Variants in PTPRD observed in about 807,000 individuals in gnomAD.
The protein encoded by PTPRD is protein tyrosine phosphatase receptor type D, also known as receptor-type tyrosine-protein phosphatase delta.
PTPRD carries 34 observed loss-of-function variants against 214.5 expected under a neutral mutation model. The ratio of observed to expected loss-of-function variants is 0.16; its 90% CI spans 0.12 to 0.21. PTPRD has a LOEUF of 0.21. PTPRD is among the 10% of genes least tolerant of loss of function. The pLI is 1.00. For missense variants in PTPRD, 2,545 were observed against 2,398.7 expected, an observed-to-expected ratio of 1.06 and a Z score of -1.27; for synonymous variants, 1,128 against 845.7, an observed-to-expected ratio of 1.33 and a Z score of -5.79.
chr9:9,935,829 A>G (rs1251528018), intron 5 of PTPRD, among the ~76,000 whole-genome samples: 1 of 149,454 alleles, frequency 6.7e-6, no homozygotes, highest in African/African-American at 2.5e-5. Flanking sequence ...TTCAAACTAT[A>G]CTACAAGGCT....
At chr9:8,675,224 T>C (rs1314060434) in intron 12 of PTPRD, among the ~76,000 whole-genome samples, 2 of 152,134 alleles carry the variant, frequency 1.3e-5, no homozygotes, top group Non-Finnish European at 2.9e-5. Flanking sequence ...TATGTGTCTT[T>C]GAGGATGTTG....
At chr9:10,461,387 A>G (rs553350877) in intron 2 of PTPRD, among the ~76,000 whole-genome samples, 3 of 151,976 alleles carry the variant, frequency 2.0e-5, no homozygotes, top group Non-Finnish European at 4.4e-5. Flanking sequence ...GATATCTGCA[A>G]TCCTATGTTC....
At chr9:10,122,981 C>G (rs1156961643) in intron 3 of PTPRD, among the ~76,000 whole-genome samples, 3 of 152,248 alleles carry the variant, frequency 2.0e-5, no homozygotes, top group African/African-American at 4.8e-5. Context: ...TTGTTAACAA[C>G]TATGCTTGCC....
chr9:9,558,542 A>G lies in PTPRD; in HGVS notation c.-237+16190T>C, dbSNP rs1209940719. 2.0e-5 allele frequency among the ~76,000 whole-genome samples: 3 copies of G among 152,268 alleles called. No homozygotes were observed. The East Asian group carries it at 5.8e-4, about 29-fold the overall frequency. On this transcript the variant is annotated intron_variant, in intron 8 of 45. Transcript: ENST00000381196. ...GACAGGCTTGACCCATAAGCCTGAC[A>G]TACAACTGGGAATGCAGGTCCGATA...
At chr9:8,632,622 T>C (rs1305055869) in intron 14 of PTPRD, among the ~76,000 whole-genome samples, 1 of 151,888 alleles carries the variant, frequency 6.6e-6, no homozygotes, top group Non-Finnish European at 1.5e-5. Flanking sequence ...CAACACAGTC[T>C]TCATCATAGC....
intron 32 of PTPRD, among the ~76,000 whole-genome samples, chr9:8,461,798 GACAA>G (rs1564991513): frequency 6.6e-6 from 1 of 151,722 alleles, no homozygotes; most frequent in Non-Finnish European, 1.5e-5. Context: ...CCATCCTATA[GACAA>G]ACATTCTTTT....
chr9:10,098,654 G>C (rs1332845736), intron 3 of PTPRD, among the ~76,000 whole-genome samples: 1 of 151,658 alleles, frequency 6.6e-6, no homozygotes, highest in Non-Finnish European at 1.5e-5. Flanking sequence ...TGTTTTTGGA[G>C]AAAAACATTA....
chr9:8,849,538 G>A (rs562075501), intron 11 of PTPRD, among the ~76,000 whole-genome samples: 8 of 152,242 alleles, frequency 5.3e-5, no homozygotes, highest in African/African-American at 1.9e-4. Flanking sequence ...TAATTCTTTA[G>A]TTCAACTCAA....
At chr9:8,885,088 C>G (rs10815985) in intron 11 of PTPRD, among the ~76,000 whole-genome samples, 19,551 of 152,090 alleles carry the variant, frequency 0.13, 1,447 homozygotes, top group East Asian at 0.29. Context: ...AAAATAGAAA[C>G]AGACAAGCCT....
chr9:9,338,500 TTTTTATA>T (rs1207620778), intron 9 of PTPRD, among the ~76,000 whole-genome samples: 15 of 152,190 alleles, frequency 9.9e-5, no homozygotes, highest in Non-Finnish European at 1.5e-4. Flanking sequence ...AAATCTAATG[TTTTTATA>T]TTTTATAAGA....
At chr9:8,526,019 A>C (rs1218125389) in intron 17 of PTPRD, among the ~76,000 whole-genome samples, 2 of 152,132 alleles carry the variant, frequency 1.3e-5, no homozygotes, top group African/African-American at 4.8e-5. Context: ...GTCAGATTGT[A>C]GACGAGTGGG....
intron 3 of PTPRD, among the ~76,000 whole-genome samples, chr9:10,339,104 G>T (rs185022077): frequency 7.2e-5 from 11 of 151,790 alleles, no homozygotes; most frequent in East Asian, 5.8e-4. Context: ...GTGGATACAT[G>T]TAAGTCCTGG....
At chr9:8,429,232 A>G (rs1039109475) in intron 35 of PTPRD, among the ~76,000 whole-genome samples, 1 of 150,508 alleles carries the variant, frequency 6.6e-6, no homozygotes, top group Non-Finnish European at 1.5e-5. Flanking sequence ...TTAAGTGTTT[A>G]TATCAGGTAA....
chr9:9,350,986 T>A (rs1332812), intron 9 of PTPRD, among the ~76,000 whole-genome samples: 81,786 of 151,764 alleles, frequency 0.54, 24,128 homozygotes, highest in Middle Eastern at 0.7. Context: ...TGTTTCATTT[T>A]AGATTGCTAA....
chr9:10,066,822 C>G (rs904530262), intron 3 of PTPRD, among the ~76,000 whole-genome samples: 1 of 151,872 alleles, frequency 6.6e-6, no homozygotes, highest in Non-Finnish European at 1.5e-5. Flanking sequence ...TTCAATACTA[C>G]TATGTGTACT....
At chr9:9,805,393 G>A (rs890538850) in intron 5 of PTPRD, among the ~76,000 whole-genome samples, 27 of 152,124 alleles carry the variant, frequency 1.8e-4, no homozygotes, top group African/African-American at 5.8e-4. Flanking sequence ...GGAAGCAACA[G>A]TATTAGAAAA....
At chr9:9,760,919 C>A (rs1031688713) in intron 6 of PTPRD, among the ~76,000 whole-genome samples, 3 of 152,118 alleles carry the variant, frequency 2.0e-5, no homozygotes, top group Non-Finnish European at 4.4e-5. Flanking sequence ...GGCAGGGATA[C>A]AGAGAAATGA....
intron 9 of PTPRD, among the ~76,000 whole-genome samples, chr9:9,370,124 G>A (rs2059051306): frequency 6.6e-6 from 1 of 152,110 alleles, no homozygotes; most frequent in African/African-American, 2.4e-5. Flanking sequence ...GAACTTTAAA[G>A]TAGTTTTTTC....
intron 9 of PTPRD, among the ~76,000 whole-genome samples, chr9:9,270,294 A>G (rs1305432091): frequency 6.6e-6 from 1 of 151,482 alleles, no homozygotes; most frequent in African/African-American, 2.4e-5. Context: ...GACAGAAATA[A>G]TCACTGATGA....
Sources: gnomAD v4.1 joint callset for allele counts (sites outside exome capture counted in the v4.1 genomes callset) on GRCh38, gnomAD v4.1.1 for gene constraint, MANE v1.5 for transcripts, NCBI Gene and HGNC (gene_info 2026-07-23, HGNC 2026-07-21) for gene names.